The following KIFAP3 variants were observed in gnomAD, a reference collection of about 807,000 sequenced individuals.
The protein encoded by KIFAP3 is kinesin-associated protein 3.
In KIFAP3, 68 loss-of-function variants were observed where a neutral mutation model predicts 106.5. The observed-to-expected ratio is 0.64, with a 90% CI of 0.53 to 0.78. KIFAP3 has a LOEUF of 0.78. Among genes scored for constraint, KIFAP3 ranks in the 30% least tolerant of loss-of-function variants. The pLI is 0.00. For missense variants in KIFAP3, 780 were observed against 941.8 expected, an observed-to-expected ratio of 0.83 and a Z score of 2.25; for synonymous variants, 320 against 311.5, an observed-to-expected ratio of 1.03 and a Z score of -0.29.
At chr1:170,029,755 C>T (rs142103960) in intron 8 of KIFAP3, among the ~76,000 whole-genome samples, 1 of 151,932 alleles carries the variant, frequency 6.6e-6, no homozygotes, top group South Asian at 2.1e-4. Flanking sequence ...AATGAAGACA[C>T]TGTGCTATTG....
chr1:169,958,589 G>A (rs1195337359), intron 18 of KIFAP3, among the ~76,000 whole-genome samples: 2 of 152,034 alleles, frequency 1.3e-5, no homozygotes, highest in East Asian at 3.8e-4. Flanking sequence ...AAATACATAG[G>A]TAGTATGAAA....
At chr1:170,070,911 T>C (rs912298218) in intron 1 of KIFAP3, among the ~76,000 whole-genome samples, 1 of 152,170 alleles carries the variant, frequency 6.6e-6, no homozygotes, top group Non-Finnish European at 1.5e-5. Context: ...CTGTAAATCA[T>C]GTATCTGACA....
At chr1:170,001,978 T>G (rs1667691132) in intron 10 of KIFAP3, among the ~76,000 whole-genome samples, 1 of 152,156 alleles carries the variant, frequency 6.6e-6, no homozygotes, top group African/African-American at 2.4e-5. Context: ...TGGAAAAATT[T>G]CAAAGGTGTT....
At chr1:169,933,133 A>C (rs570817456) in intron 19 of KIFAP3, among the ~76,000 whole-genome samples, 123 of 152,144 alleles carry the variant, frequency 8.1e-4, no homozygotes, top group African/African-American at 2.8e-3. Context: ...TTGATTCTAA[A>C]CTTATAAATG....
chr1:170,048,304 T>C (rs1670372342), intron 2 of KIFAP3, among the ~76,000 whole-genome samples: 1 of 149,728 alleles, frequency 6.7e-6, no homozygotes, highest in African/African-American at 2.5e-5. Flanking sequence ...ATTTGGGTTT[T>C]TTTTTTTTTG....
chr1:170,031,946 A>T lies in KIFAP3; in HGVS notation c.781T>A (p.Tyr261Asn), dbSNP rs1164234130. 1 of 1,610,818 alleles carries T rather than the reference A, an allele frequency of 6.2e-7. No homozygotes were observed. The highest frequency in any genetic ancestry group is 2.2e-5 in the East Asian group (1 of 44,734). ...TGGTACTTTTTAAAGGTTTTTTCAT[A>T]ATCCTTTCTCAAGGTTTGGTTTTCA... Reference protein sequence around the residue: ...DPENQTLRKDYEKTFKKYQGL... With the variant: ...DPENQTLRKDNEKTFKKYQGL... The change falls in exon 8 of 20, where the codon TAT becomes AAT. Residue 261 changes from tyrosine to asparagine, a missense_variant. Physicochemically the swap from Tyr to Asn is moderately radical, Grantham distance 143 (BLOSUM62 -2). Transcript: ENST00000361580.
At chr1:170,046,643 A>T in intron 3 of KIFAP3, 69 bp downstream of exon 3, 1 of 1,241,720 alleles carries the variant, frequency 8.1e-7, no homozygotes, top group Admixed American at 2.9e-5. Context: ...TTTTTTTTAT[A>T]GTTGCTTGAT....
intron 19 of KIFAP3, among the ~76,000 whole-genome samples, chr1:169,952,776 A>G (rs574436280): frequency 6.6e-6 from 1 of 152,266 alleles, no homozygotes; most frequent in East Asian, 1.9e-4. Context: ...GTTGCTGTGC[A>G]AGTTAAAATA....
intron 10 of KIFAP3, among the ~76,000 whole-genome samples, chr1:170,003,446 G>T (rs1212134712): frequency 6.6e-6 from 1 of 152,182 alleles, no homozygotes; most frequent in Non-Finnish European, 1.5e-5. Flanking sequence ...ACACCTACTG[G>T]GGGGTGCCTC....
At chr1:170,038,224 T>C in intron 5 of KIFAP3, 66 bp downstream of exon 5, 1 of 1,276,290 alleles carries the variant, frequency 7.8e-7, no homozygotes, top group South Asian at 1.6e-5. Flanking sequence ...TATGAAGTCT[T>C]AAGTTTTGTA....
At chr1:169,940,388 G>T (rs570339420) in intron 19 of KIFAP3, among the ~76,000 whole-genome samples, 1 of 152,218 alleles carries the variant, frequency 6.6e-6, no homozygotes, top group Non-Finnish European at 1.5e-5. Flanking sequence ...ATCTCATATT[G>T]TACATAGATC....
At chr1:169,943,788 C>G (rs956185275) in intron 19 of KIFAP3, among the ~76,000 whole-genome samples, 1 of 152,008 alleles carries the variant, frequency 6.6e-6, no homozygotes, top group Admixed American at 6.5e-5. Flanking sequence ...AAGTATATGA[C>G]GTTTAACACT....
At chr1:170,056,321 T>C (rs1670852432) in intron 1 of KIFAP3, among the ~76,000 whole-genome samples, 1 of 152,184 alleles carries the variant, frequency 6.6e-6, no homozygotes, top group Non-Finnish European at 1.5e-5. Flanking sequence ...GTCACATATC[T>C]CAAATTATAG....
chr1:170,056,641 A>C (rs966371331), intron 1 of KIFAP3, among the ~76,000 whole-genome samples: 6 of 152,342 alleles, frequency 3.9e-5, no homozygotes, highest in Admixed American at 3.9e-4. Flanking sequence ...CTTTTCTTTC[A>C]GTTGGAAATA....
chr1:169,993,946 ACCATTT>A (rs1667247018), intron 10 of KIFAP3, among the ~76,000 whole-genome samples: 1 of 152,228 alleles, frequency 6.6e-6, no homozygotes, highest in East Asian at 1.9e-4. Flanking sequence ...GAACTTCCTT[ACCATTT>A]GATATATTTA....
At chr1:170,012,133 C>T (rs1668272503) in intron 10 of KIFAP3, among the ~76,000 whole-genome samples, 1 of 151,790 alleles carries the variant, frequency 6.6e-6, no homozygotes, top group African/African-American at 2.4e-5. Context: ...TCCAAGACCA[C>T]AAGAGAATAG....
intron 2 of KIFAP3, among the ~76,000 whole-genome samples, chr1:170,053,905 G>A (rs562988027): frequency 1.8e-4 from 28 of 152,186 alleles, no homozygotes; most frequent in Non-Finnish European, 2.8e-4. Flanking sequence ...AGAAAACCTA[G>A]GCAATACCAT....
chr1:169,934,764 A>C (rs1012740593), intron 19 of KIFAP3, among the ~76,000 whole-genome samples: 1 of 152,116 alleles, frequency 6.6e-6, no homozygotes, highest in African/African-American at 2.4e-5. Flanking sequence ...TTCTGAATGA[A>C]CATATAGGTA....
At chr1:170,073,482 A>G (rs1171796128) in intron 1 of KIFAP3, among the ~76,000 whole-genome samples, 1 of 152,232 alleles carries the variant, frequency 6.6e-6, no homozygotes, top group East Asian at 1.9e-4. Flanking sequence ...CAAGTGTATT[A>G]TGACTTGAAA....
Sources: allele counts gnomAD v4.1 joint callset (sites outside exome capture counted in the v4.1 genomes callset), GRCh38; gene constraint gnomAD v4.1.1; transcripts MANE v1.5; gene names NCBI Gene and HGNC (gene_info 2026-07-23, HGNC 2026-07-21).